Variants in MTUS2 observed in about 807,000 individuals in gnomAD.
MTUS2 encodes microtubule associated scaffold protein 2.
MTUS2 carries 40 observed loss-of-function variants against 114.1 expected under a neutral mutation model. The ratio of observed to expected loss-of-function variants is 0.35; its 90% confidence interval spans 0.27 to 0.46. The LOEUF (loss-of-function observed/expected upper bound fraction) is 0.46, where lower values mean the gene tolerates loss of function less well. Ranked by LOEUF, MTUS2 falls within the 20% of genes least tolerant of loss-of-function variation. The pLI, the probability that MTUS2 is intolerant of heterozygous loss-of-function variation, is 1.00. For missense variants in MTUS2, 1,679 were observed against 1,705.4 expected, an observed-to-expected ratio of 0.98 and a Z score of 0.27; for synonymous variants, 688 against 672.0, an observed-to-expected ratio of 1.02 and a Z score of -0.37.
intron 7 of MTUS2, among the ~76,000 whole-genome samples, chr13:29,324,991 T>C (rs901976459): frequency 2.6e-5 from 4 of 152,188 alleles, no homozygotes; most frequent in Non-Finnish European, 5.9e-5. Context: ...TAATTTACAA[T>C]TGAAAACACT....
chr13:29,500,545 C>T (rs190153516), intron 14 of MTUS2, among the ~76,000 whole-genome samples: 82 of 152,254 alleles, frequency 5.4e-4, no homozygotes, highest in South Asian at 4.2e-4. Flanking sequence ...GCTTTGCATT[C>T]CTGGCTGCCT....
chr13:29,035,079 C>T (rs1352295132), intron 4 of MTUS2, among the ~76,000 whole-genome samples: 1 of 152,130 alleles, frequency 6.6e-6, no homozygotes, highest in Non-Finnish European at 1.5e-5. Flanking sequence ...TCTTCTGAGG[C>T]TGGCTCATTC....
At chr13:29,483,081 C>T (rs918529266) in intron 10 of MTUS2, among the ~76,000 whole-genome samples, 1 of 152,216 alleles carries the variant, frequency 6.6e-6, no homozygotes, top group Non-Finnish European at 1.5e-5. Flanking sequence ...GGACTCTCCA[C>T]TCTTGGGGCC....
chr13:29,003,279 A>G lies in MTUS2; in HGVS notation c.-242-21178A>G, dbSNP rs565517072. Reference sequence around the variant, plus strand: ...TGAGTAAAGTACTATCATTGTTCCCATTTTACAGATGGCAGAACTGAGGCA... The same window carrying G: ...TGAGTAAAGTACTATCATTGTTCCCGTTTTACAGATGGCAGAACTGAGGCA... On this transcript the variant is annotated intron_variant, in intron 2 of 15. Transcript: ENST00000612955. Among the ~76,000 whole-genome samples the G allele has an allele frequency of 2.8e-3, 408 of 147,112 alleles. 2 individuals carry two copies. Among genetic ancestry groups the G allele is most frequent in the African/African-American group, 0.011 (391 of 36,706 alleles).
intron 2 of MTUS2, among the ~76,000 whole-genome samples, chr13:28,849,744 C>G (rs1876124602): frequency 6.6e-6 from 1 of 152,056 alleles, no homozygotes; most frequent in African/African-American, 2.4e-5. Flanking sequence ...TGCTTCTCCT[C>G]TAAACATGCC....
intron 5 of MTUS2, among the ~76,000 whole-genome samples, chr13:29,165,228 C>G (rs1224477416): frequency 6.6e-6 from 1 of 152,186 alleles, no homozygotes; most frequent in Non-Finnish European, 1.5e-5. Context: ...ATATTCTATT[C>G]TCACCCCAGG....
chr13:28,991,367 ATT>A lies in MTUS2; in HGVS notation c.-242-33072_-242-33071del, dbSNP rs34590167. Among the ~76,000 whole-genome samples the A allele has an allele frequency of 2.2e-3, 272 of 125,448 alleles. 1 individual carries two copies. The highest frequency in any genetic ancestry group is 2.7e-3 in the Admixed American group (32 of 11,830). The allele number at this position is 125,448 out of a possible 152,430, so 82.3% of individuals were successfully genotyped here. A position where few individuals can be genotyped will look rare whatever the true frequency, so the allele number is the denominator to read the frequency against. On this transcript the variant is annotated intron_variant, in intron 2 of 15. Transcript: ENST00000612955. ...TATGAAACTCAGGTTTGTCTCTTCA[ATT>A]TTTTTTTTTTTTTTTTTGAGACGGA...
At chr13:29,208,943 T>C (rs1895305819) in intron 5 of MTUS2, among the ~76,000 whole-genome samples, 1 of 152,146 alleles carries the variant, frequency 6.6e-6, no homozygotes, top group South Asian at 2.1e-4. Flanking sequence ...AAGTCCATTT[T>C]TTCTAGGGTA....
At chr13:29,494,817 T>G (rs181403886) in intron 12 of MTUS2, among the ~76,000 whole-genome samples, 1 of 152,172 alleles carries the variant, frequency 6.6e-6, no homozygotes, top group Non-Finnish European at 1.5e-5. Flanking sequence ...GGGGGGCAGA[T>G]CACCTGAGGT....
At chr13:29,033,858 G>T in intron 3 of MTUS2, 27 bp from the exon 4 acceptor site, 2 of 1,612,840 alleles carry the variant, frequency 1.2e-6, no homozygotes, top group East Asian at 2.2e-5. Flanking sequence ...GAAGGTCTCT[G>T]ATTGAGTTTT....
At chr13:29,142,956 A>G (rs1892286759) in intron 5 of MTUS2, among the ~76,000 whole-genome samples, 1 of 152,260 alleles carries the variant, frequency 6.6e-6, no homozygotes. Flanking sequence ...TACTTTGTGT[A>G]GAGAATTTCT....
intron 9 of MTUS2, among the ~76,000 whole-genome samples, chr13:29,442,715 C>T (rs889228415): frequency 3.9e-5 from 6 of 152,168 alleles, no homozygotes; most frequent in Non-Finnish European, 8.8e-5. Flanking sequence ...GCTGCAGTGG[C>T]CCAGGGTGCC....
intron 2 of MTUS2, among the ~76,000 whole-genome samples, chr13:28,928,080 C>T (rs1054294088): frequency 1.3e-5 from 2 of 152,008 alleles, no homozygotes; most frequent in African/African-American, 2.4e-5. Context: ...TCCTATTTCT[C>T]ACCATATGCA....
rs149219147 is a variant in MTUS2 at position 29,076,671 on chromosome 13, G to A, written c.2447-24102G>A. On this transcript the variant is annotated intron_variant, in intron 4 of 15. Coordinates refer to ENST00000612955, the MANE Select transcript of MTUS2 (RefSeq NM_001033602.4). ...TCATGGCATAGCTGGCTTCCCCCTC[G>A]ATGAGCAATCCAAGAGCCCAGGGAA... 1.8e-4 allele frequency among the ~76,000 whole-genome samples: 28 copies of A among 152,230 alleles called. No individual in the cohort carries two copies. The East Asian group carries it at 4.4e-3, about 24-fold the overall frequency.
At chr13:29,174,863 A>G (rs1893707248) in intron 5 of MTUS2, among the ~76,000 whole-genome samples, 1 of 152,234 alleles carries the variant, frequency 6.6e-6, no homozygotes, top group Non-Finnish European at 1.5e-5. Flanking sequence ...TATAAAGTTT[A>G]ACTATTTGCA....
intron 7 of MTUS2, among the ~76,000 whole-genome samples, chr13:29,330,718 C>T (rs1235739291): frequency 3.3e-5 from 5 of 152,094 alleles, no homozygotes; most frequent in African/African-American, 9.7e-5. Flanking sequence ...TTGTTTTTGT[C>T]AGGGTTGTCA....
rs1882535968 is a variant in MTUS2, at chr13:29,496,053, A to G, written c.3580-1185A>G. On this transcript the variant is annotated intron_variant, in intron 12 of 15. Coordinates refer to ENST00000612955, the MANE Select transcript of MTUS2 (RefSeq NM_001033602.4). The surrounding 1 kb of genome is among the most constrained non-coding windows in gnomAD (Gnocchi z 4.3). ...TGCAAAGAGCTTTGGACTGGTCTGC[A>G]TGAGTGAGACATGAAGGGTGAAGGT... 6.6e-6 allele frequency among the ~76,000 whole-genome samples: 1 copy of G among 152,194 alleles called. No homozygotes were observed. Among genetic ancestry groups the G allele is most frequent in the Non-Finnish European group, 1.5e-5 (1 of 68,036 alleles).
At chr13:29,448,047 T>C (rs555971323) in intron 9 of MTUS2, among the ~76,000 whole-genome samples, 3 of 152,296 alleles carry the variant, frequency 2.0e-5, no homozygotes, top group Admixed American at 2.0e-4. Flanking sequence ...CCTCAAGTTT[T>C]GTTTACTGCC....
intron 2 of MTUS2, among the ~76,000 whole-genome samples, chr13:28,870,360 C>T (rs73161837): frequency 0.17 from 26,245 of 152,042 alleles, 2,778 homozygotes; most frequent in African/African-American, 0.29. Context: ...CATTATCCAC[C>T]TGGCTGGACA....
Sources: gnomAD v4.1 joint callset for allele counts (sites outside exome capture counted in the v4.1 genomes callset) on GRCh38, gnomAD v4.1.1 for gene constraint, Gnocchi (gnomAD v3.1) non-coding constraint, MANE v1.5 for transcripts, NCBI Gene and HGNC (gene_info 2026-07-23, HGNC 2026-07-21) for gene names.